CACNB1: variants seen among roughly 807,000 people sequenced by gnomAD.
CACNB1 encodes the protein voltage-dependent L-type calcium channel subunit beta-1.
CACNB1 carries 29 observed loss-of-function variants against 71.6 expected under a neutral mutation model. The ratio of observed to expected loss-of-function variants is 0.40; its 90% CI spans 0.30 to 0.55. The LOEUF (loss-of-function observed/expected upper bound fraction) is 0.55. CACNB1 is among the 20% of genes least tolerant of loss of function. The probability of loss-of-function intolerance (pLI) is 0.38; values close to 1 mark genes in which losing one functional copy is unlikely to be tolerated. For synonymous variants in CACNB1, 300 were observed against 319.6 expected (o/e 0.94, Z 0.65); for missense variants, 623 against 801.8 (o/e 0.78, Z 2.69).
rs572367258 is a variant in CACNB1 at position 39,180,870 on chromosome 17, G to A, written c.1051-2791C>T. On this transcript the variant is annotated intron_variant, in intron 11 of 13. Transcript: ENST00000394303. ...TGGGATTACAGGTGTGAGCCACCAAGCCTGGCTTATAGACTTTAAATGGCT... is the reference window on the plus strand; with the variant it reads ...TGGGATTACAGGTGTGAGCCACCAAACCTGGCTTATAGACTTTAAATGGCT... 8.5e-5 allele frequency among the ~76,000 whole-genome samples: 13 copies of A among 152,078 alleles called. No individual in the cohort carries two copies. The East Asian group carries it at 2.1e-3, about 25-fold the overall frequency.
rs1357478673 is a variant in CACNB1 at position 39,173,528 on chromosome 17, T to TC, written c.*1664dup. 1 of 152,308 alleles carries TC rather than the reference T, an allele frequency of 6.6e-6. No homozygotes were observed. The highest frequency in any genetic ancestry group is 6.6e-5 in the Admixed American group (1 of 15,266). The allele number at this position is 152,308 out of a possible 1,614,324, so 9.4% of individuals were successfully genotyped here. ...CTCACCCACTGAGCAACATTGAGCT[T>TC]CCCATTGCCTTTGGCTCTACTTGTG... On this transcript the variant is annotated 3_prime_UTR_variant, in exon 14 of 14. Coordinates refer to ENST00000394303, the MANE Select transcript of CACNB1 (RefSeq NM_000723.5).
intron 3 of CACNB1, among the ~76,000 whole-genome samples, chr17:39,188,014 A>AAAC (rs375432123): frequency 7.9e-5 from 12 of 151,994 alleles, no homozygotes; most frequent in African/African-American, 2.2e-4. Context: ...CTCCATTTCA[A>AAAC]AACAACAACA....
chr17:39,191,100 A>G (rs1373950454), intron 3 of CACNB1, among the ~76,000 whole-genome samples: 2 of 152,060 alleles, frequency 1.3e-5, no homozygotes, highest in Non-Finnish European at 2.9e-5. Flanking sequence ...GCTACTTGGG[A>G]GGCTGAGGCA....
intron 9 of CACNB1, 87 bp downstream of exon 9, chr17:39,184,238 G>T: frequency 7.8e-7 from 1 of 1,287,328 alleles, no homozygotes; most frequent in Non-Finnish European, 1.1e-6. Context: ...CTCAGTCCGA[G>T]TCCCAGGATT....
Position 39,184,871 on chromosome 17 carries a change from G to A in CACNB1, c.649-7C>T, listed in dbSNP as rs758745330. ...AGGGGGGCACATGCTCTGTCTGGGGGGGGAAGCAGGGAGGGGAAACCCCAG... is the reference window on the plus strand; with the variant it reads ...AGGGGGGCACATGCTCTGTCTGGGGAGGGAAGCAGGGAGGGGAAACCCCAG... On this transcript the variant is annotated splice_polypyrimidine_tract_variant and splice_region_variant and intron_variant, in intron 7 of 13. Transcript: ENST00000394303. The A allele has an allele frequency of 4.0e-6, 6 of 1,508,940 alleles. No individual in the cohort carries two copies. Among genetic ancestry groups the A allele is most frequent in the Non-Finnish European group, 5.5e-6 (6 of 1,084,064 alleles). 93.5% of individuals were successfully genotyped at this position (1,508,940 alleles called of 1,614,324 possible).
intron 11 of CACNB1, among the ~76,000 whole-genome samples, chr17:39,180,488 C>T (rs751172304): frequency 5.3e-5 from 8 of 151,698 alleles, no homozygotes; most frequent in Non-Finnish European, 1.2e-4. Flanking sequence ...AACTCTGTCT[C>T]TACTAAAAAT....
At chr17:39,193,999 C>G (rs75249310) in intron 2 of CACNB1, 3 of 152,674 alleles carry the variant, frequency 2.0e-5, no homozygotes, top group Non-Finnish European at 4.4e-5. Context: ...GCATCACCCT[C>G]GCTCCTGGCC....
intron 11 of CACNB1, among the ~76,000 whole-genome samples, chr17:39,181,087 T>TTTATTTAC (rs1369063834): frequency 6.6e-6 from 1 of 150,686 alleles, no homozygotes; most frequent in Non-Finnish European, 1.5e-5. Context: ...AGCGTTTATT[T>TTTATTTAC]TTATTTATTT....
chr17:39,192,020 G>T, intron 2 of CACNB1: 1 of 215,422 alleles, frequency 4.6e-6, no homozygotes, highest in South Asian at 6.3e-5. Context: ...CACCAGCTTC[G>T]GCCTGAGCTC....
At chr17:39,190,200 T>A (rs1181422903) in intron 3 of CACNB1, among the ~76,000 whole-genome samples, 2 of 151,888 alleles carry the variant, frequency 1.3e-5, no homozygotes, top group Admixed American at 1.3e-4. Context: ...GGCAGGAGGA[T>A]CACTTGCACC....
intron 6 of CACNB1, 39 bp from the exon 7 acceptor site, chr17:39,185,189 G>T: frequency 6.5e-7 from 1 of 1,540,342 alleles, no homozygotes; most frequent in Non-Finnish European, 9.0e-7. Flanking sequence ...AGGGGGAGGA[G>T]AGAGGGAAGG....
Position 39,175,767 on chromosome 17 carries a change from A to G in CACNB1, c.1333-110T>C. On this transcript the variant is annotated intron_variant, in intron 13 of 13. Transcript: ENST00000394303. The surrounding 1 kb of genome is among the most constrained non-coding windows in gnomAD (Gnocchi z 4.7). The stretch of plus-strand genomic sequence containing the variant: ...ATTAAGAGGTCCGGCCTGGATGAAG[A>G]GGGTGCTGGCTCTAGAGGAGGGGCC... 1 of 876,902 alleles carries G rather than the reference A, an allele frequency of 1.1e-6. No homozygotes were observed. The highest frequency in any genetic ancestry group is 1.7e-6 in the Non-Finnish European group (1 of 590,724). The allele number at this position is 876,902 out of a possible 1,614,324, so 54.3% of individuals were successfully genotyped here. A position where few individuals can be genotyped will look rare whatever the true frequency, so the allele number is the denominator to read the frequency against.
chr17:39,187,586 A>C lies in CACNB1; in HGVS notation c.307T>G (p.Phe103Val), dbSNP rs1450954039. 1 of 1,614,224 alleles carries C rather than the reference A, an allele frequency of 6.2e-7. No homozygotes were observed. Among genetic ancestry groups the C allele is most frequent in the Non-Finnish European group, 8.5e-7 (1 of 1,180,038 alleles). The stretch of plus-strand genomic sequence containing the variant: ...TAGCCAACATTTGTCCGCACAGCAA[A>C]TGCCACTGGCTTGGTCTAGAGGAGG... ...LEKAKTKPVA[F>V]AVRTNVGYNP... Residue 103 changes from phenylalanine to valine, a missense_variant, in exon 4 of 14, where the codon TTT becomes GTT. Phe to Val is a conservative substitution (Grantham distance 50). Transcript: ENST00000394303.
intron 1 of CACNB1, among the ~76,000 whole-genome samples, chr17:39,195,426 G>A (rs1047862966): frequency 6.6e-6 from 1 of 152,286 alleles, no homozygotes; most frequent in Middle Eastern, 3.4e-3. Flanking sequence ...GGCTGTTTGT[G>A]TTGGTGGCCC....
Position 39,175,283 on chromosome 17 carries a change from C to T in CACNB1, c.1707G>A (p.Lys569=). The change falls in exon 14 of 14, where the codon AAG becomes AAA. Residue 569 remains lysine, a synonymous_variant. Coordinates refer to ENST00000394303, the MANE Select transcript of CACNB1 (RefSeq NM_000723.5). This position sits in a 1 kb window ranked among gnomAD's most constrained non-coding sequence, Gnocchi z 4.7. ...LTDNRNRGRN[K]ARYCAEGGGP... Reference sequence around the variant, plus strand: ...CCCCACCCTCAGCGCAGTAGCGGGCCTTATTCCGGCCCCGGTTCCGGTTGT... The same window carrying T: ...CCCCACCCTCAGCGCAGTAGCGGGCTTTATTCCGGCCCCGGTTCCGGTTGT... The T allele has an allele frequency of 1.2e-6, 2 of 1,614,198 alleles. No individual in the cohort carries two copies. The highest frequency in any genetic ancestry group is 1.7e-6 in the Non-Finnish European group (2 of 1,180,030).
intron 1 of CACNB1, 163 bp from the exon 2 acceptor site, chr17:39,195,133 AG>A: frequency 1.7e-6 from 1 of 576,892 alleles, no homozygotes; most frequent in East Asian, 3.0e-5. Flanking sequence ...AAGGGGAGGG[AG>A]GGTCTCCCAT....
intron 11 of CACNB1, 178 bp from the exon 12 acceptor site, chr17:39,178,257 C>A: frequency 1.7e-6 from 1 of 579,956 alleles, no homozygotes; most frequent in Non-Finnish European, 3.1e-6. Flanking sequence ...CTGTGTCTAC[C>A]CTATGCAAAG....
intron 8 of CACNB1, 26 bp from the exon 9 acceptor site, chr17:39,184,409 GAGGGAGGAGAAGGC>G: frequency 1.9e-6 from 1 of 529,608 alleles, no homozygotes; most frequent in Non-Finnish European, 3.7e-6. Flanking sequence ...TGTGGGGAGG[GAGGGAGGAGAAGGC>G]AGGCATTTAA....
At chr17:39,195,172 C>A (rs1180816432) in intron 1 of CACNB1, 6 of 544,318 alleles carry the variant, frequency 1.1e-5, no homozygotes, top group Non-Finnish European at 2.0e-5. Flanking sequence ...AGAGCACAGC[C>A]AGGAGTGGGG....
Sources: gnomAD v4.1 joint callset for allele counts (sites outside exome capture counted in the v4.1 genomes callset) on GRCh38, gnomAD v4.1.1 for gene constraint, Gnocchi (gnomAD v3.1) non-coding constraint, MANE v1.5 for transcripts, NCBI Gene and HGNC (gene_info 2026-07-23, HGNC 2026-07-21) for gene names.